Variants in NOBOX observed in about 807,000 individuals in gnomAD.
The protein encoded by NOBOX is NOBOX oogenesis homeobox.
A neutral mutation model predicts 60.2 loss-of-function variants in NOBOX; 46 were observed. The ratio of observed to expected loss-of-function variants is 0.76; its 90% CI spans 0.60 to 0.98. The LOEUF is 0.98. NOBOX is among the 50% of genes least tolerant of loss of function. The probability of loss-of-function intolerance (pLI) is 0.00; values close to 1 mark genes in which losing one functional copy is unlikely to be tolerated. For synonymous variants in NOBOX, 360 were observed against 346.3 expected (o/e 1.04, Z -0.44); for missense variants, 880 against 865.5 (o/e 1.02, Z -0.21).
intron 1 of NOBOX, among the ~76,000 whole-genome samples, chr7:144,407,534 G>T (rs1328435634): frequency 1.3e-5 from 2 of 152,224 alleles, no homozygotes; most frequent in Non-Finnish European, 2.9e-5. Context: ...CCTGAGCCAG[G>T]CACGTGCTCA....
At chr7:144,399,911 T>C (rs775799234) in intron 5 of NOBOX, 48 bp from the exon 4 acceptor site, 11 of 1,491,748 alleles carry the variant, frequency 7.4e-6, no homozygotes, top group Non-Finnish European at 1.0e-5. Context: ...GGGCAGAGAC[T>C]GAGGCTTAGG....
rs1457676433 is a variant in NOBOX, at chr7:144,399,871, G to C, written c.1048-8C>G. On this transcript the variant is annotated splice_region_variant and splice_polypyrimidine_tract_variant and intron_variant, in intron 5 of 9. Coordinates refer to ENST00000467773, the MANE Select transcript of NOBOX (RefSeq NM_001080413.3). The stretch of plus-strand genomic sequence containing the variant: ...GCGATTCTGGAACCACACCTATGGG[G>C]GGAAAGGTGCTTGAAGAACTGGAGA... 6.2e-7 allele frequency: 1 copy of C among 1,602,252 alleles called. No individual in the cohort carries two copies. The highest frequency in any genetic ancestry group is 8.5e-7 in the Non-Finnish European group (1 of 1,170,644).
At chr7:144,398,238 C>A in intron 9 of NOBOX, 44 bp downstream of exon 7, 1 of 1,521,488 alleles carries the variant, frequency 6.6e-7, no homozygotes, top group Non-Finnish European at 8.8e-7. Context: ...CCCCTCCCAC[C>A]TTCCTCAATC....
In NOBOX at chr7:144,404,468, A is replaced by T. The variant is rs543453443; in HGVS notation, c.210+88T>A. 28 of 1,151,704 alleles carry T rather than the reference A, an allele frequency of 2.4e-5. No homozygotes were observed. The African/African-American group carries it at 3.8e-4, about 16-fold the overall frequency. 71.3% of individuals were successfully genotyped at this position (1,151,704 alleles called of 1,614,324 possible). On this transcript the variant is annotated intron_variant, in intron 2 of 9. Coordinates refer to ENST00000467773, the MANE Select transcript of NOBOX (RefSeq NM_001080413.3). Reference sequence around the variant, plus strand: ...TTCACCACGTTGGCTAGGCTGGGCTAGAACTCCTGACTTCAAGTTATCTGC... The same window carrying T: ...TTCACCACGTTGGCTAGGCTGGGCTTGAACTCCTGACTTCAAGTTATCTGC...
In NOBOX at chr7:144,400,081, C is replaced by T. The variant is rs769030893; in HGVS notation, c.1047+29G>A. The T allele has an allele frequency of 4.4e-6, 7 of 1,600,806 alleles. No individual in the cohort carries two copies. The Admixed American group carries it at 5.0e-5, about 11-fold the overall frequency. On this transcript the variant is annotated intron_variant, in intron 5 of 9. Coordinates refer to ENST00000467773, the MANE Select transcript of NOBOX (RefSeq NM_001080413.3). The stretch of plus-strand genomic sequence containing the variant: ...CTCTGGAAACAGTCAGGGACACAGC[C>T]ACGTCTGAGGCCTCAATTCAGCTCC...
intron 1 of NOBOX, chr7:144,404,715 C>A (rs764595265): frequency 5.0e-6 from 8 of 1,606,312 alleles, no homozygotes; most frequent in Non-Finnish European, 5.1e-6. Flanking sequence ...TGTTTCCATC[C>A]ATTTGGTGTT....
At chr7:144,402,188 C>T (rs1306894259) in intron 2 of NOBOX, among the ~76,000 whole-genome samples, 1 of 150,280 alleles carries the variant, frequency 6.7e-6, no homozygotes, top group Non-Finnish European at 1.5e-5. Context: ...CCGCACCCCC[C>T]ACCCCACTAC....
At chr7:144,400,452 T>C (rs995888410) in intron 4 of NOBOX, 140 bp from the exon 3 acceptor site, 36 of 705,040 alleles carry the variant, frequency 5.1e-5, no homozygotes, top group Middle Eastern at 3.8e-4. Flanking sequence ...CTTTTTCCTA[T>C]TGGGCTGGGC....
chr7:144,399,675 G>T, intron 6 of NOBOX, 82 bp downstream of exon 4: 1 of 1,261,580 alleles, frequency 7.9e-7, no homozygotes, highest in Non-Finnish European at 1.1e-6. Flanking sequence ...CCTTCCAATG[G>T]TCTCCTTCTA....
At chr7:144,406,436 T>A (rs2053986263) in intron 1 of NOBOX, among the ~76,000 whole-genome samples, 1 of 152,082 alleles carries the variant, frequency 6.6e-6, no homozygotes, top group South Asian at 2.1e-4. Flanking sequence ...CACACGCCTG[T>A]AATCCCAGCT....
chr7:144,398,505 G>C lies in NOBOX; in HGVS notation c.1551C>G (p.Phe517Leu). The C allele has an allele frequency of 2.0e-6, 3 of 1,536,922 alleles. No homozygotes were observed. The highest frequency in any genetic ancestry group is 2.4e-5 in the South Asian group (2 of 84,042). ...GGGGCTGTGGAGCCTGGGAGAACTG[G>C]AAGGGTCCTGGCTGGTTGCTCTGTT... The change falls in exon 9 of 10, where the codon TTC (phenylalanine) becomes TTG (leucine). Residue 517 changes from phenylalanine to leucine, a missense_variant. Phe to Leu is a conservative substitution (Grantham distance 22). Transcript: ENST00000467773.
chr7:144,400,094 T>G (rs1207030905), intron 5 of NOBOX, 112 bp downstream of exon 3: 1 of 1,608,928 alleles, frequency 6.2e-7, no homozygotes, highest in East Asian at 2.2e-5. Context: ...GTCTGAGGCC[T>G]CAATTCAGCT....
At chr7:144,407,554 A>T (rs773255486) in intron 1 of NOBOX, among the ~76,000 whole-genome samples, 4 of 152,252 alleles carry the variant, frequency 2.6e-5, no homozygotes, top group South Asian at 4.1e-4. Context: ...AGGGACCGGC[A>T]CTGCCAGAGC....
At chr7:144,408,604 C>T (rs1220230518) in intron 1 of NOBOX, among the ~76,000 whole-genome samples, 3 of 152,266 alleles carry the variant, frequency 2.0e-5, no homozygotes, top group Non-Finnish European at 4.4e-5. Context: ...AATACTTCTC[C>T]GAAGGTGACA....
intron 8 of NOBOX, 39 bp from the exon 7 acceptor site, chr7:144,398,625 G>C (rs763797238): frequency 3.7e-5 from 53 of 1,428,420 alleles, no homozygotes; most frequent in African/African-American, 3.1e-4. Context: ...GTGCAGGGGT[G>C]GGGGAGCTCC....
At chr7:144,396,914 G>A (rs555048601), downstream of NOBOX, among the ~76,000 whole-genome samples, 10 of 152,216 alleles carry the variant, frequency 6.6e-5, no homozygotes, top group East Asian at 1.9e-4. Flanking sequence ...ACCGCAGGAC[G>A]GACTAGTTTA....
rs763140177 is a variant in NOBOX at position 144,401,202 on chromosome 7, G to T, written c.688C>A (p.His230Asn). The change falls in exon 4 of 10, where the codon CAC (histidine) becomes AAC (asparagine). Residue 230 changes from histidine to asparagine, a missense_variant. By Grantham distance (68) the His-to-Asn change is moderately conservative. Coordinates refer to ENST00000467773, the MANE Select transcript of NOBOX (RefSeq NM_001080413.3). This position sits in a 1 kb window ranked among gnomAD's most constrained non-coding sequence, Gnocchi z 4.2. ...CCTGACCCACAGGGCACTGGGTTGT[G>T]TGTGGCACGGGCTGAGTTAGGGGCA... The T allele has an allele frequency of 1.2e-6, 2 of 1,613,642 alleles. No homozygotes were observed. Among genetic ancestry groups the T allele is most frequent in the African/African-American group, 1.3e-5 (1 of 74,928 alleles).
chr7:144,399,690 C>T (rs1280788336), intron 6 of NOBOX, 67 bp downstream of exon 4: 4 of 1,367,802 alleles, frequency 2.9e-6, no homozygotes, highest in Non-Finnish European at 4.1e-6. Context: ...CTTCTAGACC[C>T]TCAGGATCCC....
At chr7:144,403,252 T>C (rs1209716206) in intron 2 of NOBOX, among the ~76,000 whole-genome samples, 1 of 152,102 alleles carries the variant, frequency 6.6e-6, no homozygotes, top group Non-Finnish European at 1.5e-5. Flanking sequence ...AAATTTGTTT[T>C]ACAGCATTTT....
Sources: allele counts gnomAD v4.1 joint callset (sites outside exome capture counted in the v4.1 genomes callset), GRCh38; gene constraint gnomAD v4.1.1; non-coding constraint Gnocchi (gnomAD v3.1); transcripts MANE v1.5; gene names NCBI Gene and HGNC (gene_info 2026-07-23, HGNC 2026-07-21).